The following ADGRL2 variants were observed in gnomAD, a reference collection of about 807,000 sequenced individuals.
ADGRL2 encodes the protein calcium-independent alpha-latrotoxin receptor 2.
In ADGRL2, 44 loss-of-function variants were observed where a neutral mutation model predicts 157.4. The ratio of observed to expected loss-of-function variants is 0.28; its 90% CI spans 0.22 to 0.36. The LOEUF is 0.36. Ranked by LOEUF, ADGRL2 falls within the 10% of genes least tolerant of loss-of-function variation. The probability of loss-of-function intolerance (pLI) is 1.00; values close to 1 mark genes in which losing one functional copy is unlikely to be tolerated. For missense variants in ADGRL2, 1,510 were observed against 1,768.9 expected (o/e 0.85, Z 2.63); for synonymous variants, 585 against 624.7 (o/e 0.94, Z 0.95).
At chr1:81,607,630 C>T (rs1317226621) in intron 3 of ADGRL2, among the ~76,000 whole-genome samples, 5 of 152,146 alleles carry the variant, frequency 3.3e-5, no homozygotes, top group Non-Finnish European at 7.3e-5. Flanking sequence ...TTATTTTTAA[C>T]TTTTGCCTCA....
intron 2 of ADGRL2, among the ~76,000 whole-genome samples, chr1:81,482,863 T>G (rs2078419118): frequency 2.0e-5 from 3 of 151,544 alleles, no homozygotes; most frequent in Non-Finnish European, 4.4e-5. Flanking sequence ...ATATTTATAT[T>G]AGCTATATCC....
chr1:81,967,331 G>A (rs1327481834), intron 13 of ADGRL2, among the ~76,000 whole-genome samples: 4 of 150,736 alleles, frequency 2.7e-5, no homozygotes, highest in South Asian at 4.2e-4. Flanking sequence ...GCGCGATCTC[G>A]GCTCACTGCC....
intron 2 of ADGRL2, among the ~76,000 whole-genome samples, chr1:81,841,623 G>A (rs531634522): frequency 5.9e-5 from 9 of 151,918 alleles, no homozygotes; most frequent in East Asian, 3.9e-4. Flanking sequence ...ATTTACACAC[G>A]CATATAACAA....
At chr1:81,722,700 T>A in intron 1 of ADGRL2, 1 of 1,069,040 alleles carries the variant, frequency 9.4e-7, no homozygotes, top group Non-Finnish European at 1.4e-6. Context: ...CAGAAGAAAG[T>A]ATGAGCGAAA....
intron 3 of ADGRL2, among the ~76,000 whole-genome samples, chr1:81,682,853 CG>C (rs1557562665): frequency 6.6e-6 from 1 of 152,124 alleles, no homozygotes. Context: ...TGTTTTGGGC[CG>C]GGCGCAGTGG....
chr1:81,475,306 T>C (rs2078250084), intron 2 of ADGRL2, among the ~76,000 whole-genome samples: 1 of 152,154 alleles, frequency 6.6e-6, no homozygotes. Flanking sequence ...AAAAGATGCA[T>C]GCATAATCAG....
chr1:81,922,849 C>G lies in ADGRL2; in HGVS notation c.288-13879C>G, dbSNP rs2095019050. On this transcript the variant is annotated intron_variant, in intron 3 of 23. Transcript: ENST00000686636. ...GGACCAAAATAGTGAGACCCCATCTCTATAATAAATAAAATATAAAATTAC... is the reference window on the plus strand; with the variant it reads ...GGACCAAAATAGTGAGACCCCATCTGTATAATAAATAAAATATAAAATTAC... 3.3e-5 allele frequency among the ~76,000 whole-genome samples: 5 copies of G among 152,258 alleles called. No individual in the cohort carries two copies. In the South Asian group the frequency reaches 1.0e-3, roughly 32 times the overall value.
chr1:81,856,346 T>C (rs1056080440), intron 2 of ADGRL2, among the ~76,000 whole-genome samples: 5 of 152,180 alleles, frequency 3.3e-5, no homozygotes, highest in African/African-American at 1.2e-4. Flanking sequence ...AATTGCTTCA[T>C]GTTTCCCAGT....
intron 1 of ADGRL2, among the ~76,000 whole-genome samples, chr1:81,711,962 A>C (rs1366712912): frequency 6.6e-6 from 1 of 152,228 alleles, no homozygotes; most frequent in African/African-American, 2.4e-5. Context: ...ATATTTTCAG[A>C]GCACTCTAAA....
chr1:81,717,370 C>T (rs9285611), intron 1 of ADGRL2, among the ~76,000 whole-genome samples: 24,663 of 152,170 alleles, frequency 0.16, 2,090 homozygotes, highest in South Asian at 0.23. Context: ...CATCATCATG[C>T]TTTGACTTTT....
At position 81,960,467 on chromosome 1, in the gene ADGRL2, C is replaced by CT. The variant is rs879604958; in HGVS notation, c.2017+4417dup. On this transcript the variant is annotated intron_variant, in intron 11 of 23. Coordinates refer to ENST00000686636, the MANE Select transcript of ADGRL2 (RefSeq NM_001366006.2). The stretch of plus-strand genomic sequence containing the variant: ...TGTAAAATTCCCTTTTATTTATTGT[C>CT]TTTTTTTTTTCTTTTTTCTTTTTTT... 8.3e-3 allele frequency among the ~76,000 whole-genome samples: 1,230 copies of CT among 149,054 alleles called. 14 individuals carry two copies. The highest frequency in any genetic ancestry group is 0.013 in the Non-Finnish European group (844 of 67,002).
chr1:81,489,236 C>A (rs1316887604), intron 2 of ADGRL2, among the ~76,000 whole-genome samples: 19 of 143,860 alleles, frequency 1.3e-4, no homozygotes, highest in African/African-American at 2.0e-4. Flanking sequence ...GACTCTGTCT[C>A]AAAAAAAAAA....
intron 2 of ADGRL2, among the ~76,000 whole-genome samples, chr1:81,471,936 A>G (rs2078180950): frequency 6.6e-6 from 1 of 152,218 alleles, no homozygotes; most frequent in South Asian, 2.1e-4. Context: ...ATAATTTAAA[A>G]TGTTACCAAA....
intron 2 of ADGRL2, among the ~76,000 whole-genome samples, chr1:81,882,346 A>C (rs2094009610): frequency 6.6e-6 from 1 of 152,290 alleles, no homozygotes; most frequent in Non-Finnish European, 1.5e-5. Flanking sequence ...CATAGTTAGG[A>C]TCTTTTGGTA....
At chr1:81,681,262 A>G (rs577809613) in intron 3 of ADGRL2, among the ~76,000 whole-genome samples, 15 of 152,356 alleles carry the variant, frequency 9.8e-5, no homozygotes, top group African/African-American at 2.9e-4. Flanking sequence ...AGGGCAAAGG[A>G]AGCATGTGCT....
intron 2 of ADGRL2, among the ~76,000 whole-genome samples, chr1:81,793,135 A>G (rs1296343801): frequency 6.6e-6 from 1 of 152,128 alleles, no homozygotes; most frequent in African/African-American, 2.4e-5. Flanking sequence ...ATTTTGGCAT[A>G]GTTTCAATTT....
At chr1:81,973,882 A>G (rs1206564223) in intron 17 of ADGRL2, among the ~76,000 whole-genome samples, 2 of 152,170 alleles carry the variant, frequency 1.3e-5, no homozygotes, top group African/African-American at 4.8e-5. Flanking sequence ...GCGTCTTGCA[A>G]AAGAATATCT....
At chr1:81,637,274 A>G (rs187438214) in intron 3 of ADGRL2, among the ~76,000 whole-genome samples, 1 of 152,312 alleles carries the variant, frequency 6.6e-6, no homozygotes, top group East Asian at 1.9e-4. Context: ...CTGTGAGGTA[A>G]AGGAATAGTT....
chr1:81,890,115 C>T (rs185155193), intron 2 of ADGRL2, among the ~76,000 whole-genome samples: 1 of 152,210 alleles, frequency 6.6e-6, no homozygotes, highest in African/African-American at 2.4e-5. Flanking sequence ...TTGATAGTTT[C>T]CTGATATAGT....
Sources: gnomAD v4.1 joint callset for allele counts (sites outside exome capture counted in the v4.1 genomes callset) on GRCh38, gnomAD v4.1.1 for gene constraint, MANE v1.5 for transcripts, NCBI Gene and HGNC (gene_info 2026-07-23, HGNC 2026-07-21) for gene names.